DLG2: variants seen among roughly 807,000 people sequenced by gnomAD.
DLG2 encodes disks large homolog 2.
A neutral mutation model predicts 132.5 loss-of-function variants in DLG2; 45 were observed. The ratio of observed to expected loss-of-function variants is 0.34; its 90% CI spans 0.27 to 0.44. The LOEUF (loss-of-function observed/expected upper bound fraction) is 0.44. DLG2 is among the 20% of genes least tolerant of loss of function. DLG2 has a pLI of 1.00. For synonymous variants in DLG2, 424 were observed against 419.6 expected, an observed-to-expected ratio of 1.01 and a Z score of -0.13; for missense variants, 1,045 against 1,196.9, an observed-to-expected ratio of 0.87 and a Z score of 1.87.
chr11:85,164,499 T>A (rs1436143936), intron 4 of DLG2, among the ~76,000 whole-genome samples: 1 of 152,202 alleles, frequency 6.6e-6, no homozygotes, highest in African/African-American at 2.4e-5. Flanking sequence ...CATCCCCTGA[T>A]AACTTGCTGT....
intron 6 of DLG2, among the ~76,000 whole-genome samples, chr11:84,540,387 T>C (rs1443002465): frequency 2.0e-5 from 3 of 147,438 alleles, no homozygotes; most frequent in Non-Finnish European, 4.5e-5. Flanking sequence ...GCAAAGGATA[T>C]GAACAGACAC....
At chr11:83,855,660 A>G (rs916981678) in intron 16 of DLG2, among the ~76,000 whole-genome samples, 2 of 152,168 alleles carry the variant, frequency 1.3e-5, no homozygotes, top group African/African-American at 4.8e-5. Context: ...TTGATGGGGT[A>G]TAGGGGGAGG....
intron 6 of DLG2, among the ~76,000 whole-genome samples, chr11:85,028,429 T>A (rs1348872808): frequency 6.6e-6 from 1 of 152,120 alleles, no homozygotes; most frequent in East Asian, 1.9e-4. Flanking sequence ...ACCGGGAACC[T>A]ACCCCTTTCT....
chr11:83,883,492 T>C (rs2066886119), intron 15 of DLG2, among the ~76,000 whole-genome samples: 1 of 152,288 alleles, frequency 6.6e-6, no homozygotes, highest in South Asian at 2.1e-4. Flanking sequence ...CACTCATCAC[T>C]GTTAGGTAGC....
At chr11:84,068,991 C>A (rs1320425304) in intron 10 of DLG2, among the ~76,000 whole-genome samples, 1 of 152,150 alleles carries the variant, frequency 6.6e-6, no homozygotes, top group South Asian at 2.1e-4. Flanking sequence ...CACTGTCAGT[C>A]GGGTCCAGGA....
chr11:83,896,680 G>C (rs946225030), intron 15 of DLG2, among the ~76,000 whole-genome samples: 2 of 152,136 alleles, frequency 1.3e-5, no homozygotes, highest in African/African-American at 4.8e-5. Flanking sequence ...GGTTGTCTGG[G>C]GCTGGGGTGG....
intron 6 of DLG2, among the ~76,000 whole-genome samples, chr11:84,934,531 T>G (rs1378540335): frequency 3.7e-5 from 5 of 134,288 alleles, no homozygotes; most frequent in South Asian, 2.5e-4. Flanking sequence ...TTTTGTTTTT[T>G]TTTTTTTTTT....
intron 16 of DLG2, among the ~76,000 whole-genome samples, chr11:83,858,574 A>G (rs2060921512): frequency 6.6e-6 from 1 of 152,178 alleles, no homozygotes; most frequent in African/African-American, 2.4e-5. Context: ...TCATTTTCTC[A>G]CAAGGAGGTG....
chr11:83,768,020 T>C (rs1462789938), intron 18 of DLG2, among the ~76,000 whole-genome samples: 1 of 152,208 alleles, frequency 6.6e-6, no homozygotes, highest in East Asian at 1.9e-4. Context: ...TTTTTCTGAA[T>C]ATTTACTTTC....
chr11:84,613,564 T>C lies in DLG2; in HGVS notation c.358-78833A>G, dbSNP rs568250906. 7.2e-5 allele frequency among the ~76,000 whole-genome samples: 11 copies of C among 152,314 alleles called. No homozygotes were observed. The South Asian group carries it at 2.3e-3, about 32-fold the overall frequency. ...ATTGACAAAACACAGGTAACAGTTA[T>C]CATGGTGCCCTGCACATAGTGACCA... On this transcript the variant is annotated intron_variant, in intron 6 of 27. Coordinates refer to ENST00000376104, the MANE Select transcript of DLG2 (RefSeq NM_001142699.3).
intron 11 of DLG2, among the ~76,000 whole-genome samples, chr11:84,021,580 GAGT>G (rs964824665): frequency 6.6e-6 from 1 of 152,132 alleles, no homozygotes; most frequent in African/African-American, 2.4e-5. Context: ...TAGGAAGTAT[GAGT>G]CCATGACAGT....
chr11:84,582,933 T>C (rs2099520110), intron 6 of DLG2, among the ~76,000 whole-genome samples: 1 of 152,222 alleles, frequency 6.6e-6, no homozygotes, highest in Non-Finnish European at 1.5e-5. Context: ...CTGATTCTAT[T>C]TAATCTTTCC....
chr11:85,181,587 C>G (rs1403323498), intron 4 of DLG2, among the ~76,000 whole-genome samples: 3 of 151,706 alleles, frequency 2.0e-5, no homozygotes, highest in Middle Eastern at 3.4e-3. Context: ...TCCCTGTCAA[C>G]ACTACCAATA....
At chr11:84,200,185 A>G (rs2096573676) in intron 8 of DLG2, among the ~76,000 whole-genome samples, 1 of 152,176 alleles carries the variant, frequency 6.6e-6, no homozygotes, top group African/African-American at 2.4e-5. Context: ...TTAGTATTCA[A>G]TATGAGTAAG....
intron 17 of DLG2, among the ~76,000 whole-genome samples, chr11:83,802,268 T>C (rs764990188): frequency 1.7e-4 from 26 of 152,134 alleles, no homozygotes; most frequent in Non-Finnish European, 1.8e-4. Context: ...AGCCTCTAAA[T>C]TGTTCAGGCA....
At chr11:83,566,427 C>T (rs2096709950) in intron 19 of DLG2, among the ~76,000 whole-genome samples, 1 of 152,052 alleles carries the variant, frequency 6.6e-6, no homozygotes, top group Non-Finnish European at 1.5e-5. Context: ...TTTTCCCCTG[C>T]CCTCTGCATT....
chr11:84,768,398 A>C (rs370668991), intron 6 of DLG2, among the ~76,000 whole-genome samples: 14 of 152,320 alleles, frequency 9.2e-5, no homozygotes, highest in African/African-American at 3.4e-4. Context: ...TTTTTCATAA[A>C]TGTGTAGAAC....
At position 84,800,891 on chromosome 11, in the gene DLG2, A is replaced by G. The variant is rs181465594; in HGVS notation, c.358-266160T>C. Among the ~76,000 whole-genome samples, 99 of 152,312 alleles carry G rather than the reference A, an allele frequency of 6.5e-4. 2 individuals are homozygous for G. The highest frequency in any genetic ancestry group is 4.7e-4 in the Non-Finnish European group (32 of 68,026). ...GTTCAGAGGGACTAGAAAATTTACA[A>G]ATAACATGATTTATAAAATCCATGA... On this transcript the variant is annotated intron_variant, in intron 6 of 27. Coordinates refer to ENST00000376104, the MANE Select transcript of DLG2 (RefSeq NM_001142699.3).
chr11:85,133,933 T>C (rs1298718688), intron 5 of DLG2, among the ~76,000 whole-genome samples: 3 of 152,030 alleles, frequency 2.0e-5, no homozygotes, highest in African/African-American at 4.8e-5. Context: ...TACTTTTTTT[T>C]CCCATCATCT....
Sources: allele counts gnomAD v4.1 joint callset (sites outside exome capture counted in the v4.1 genomes callset), GRCh38; gene constraint gnomAD v4.1.1; transcripts MANE v1.5; gene names NCBI Gene and HGNC (gene_info 2026-07-23, HGNC 2026-07-21).